The following PDGFD variants were observed in gnomAD, a reference collection of about 807,000 sequenced individuals.
PDGFD encodes platelet derived growth factor D, also known as platelet-derived growth factor D.
In PDGFD, 30 loss-of-function variants were observed where a neutral mutation model predicts 44.7. The ratio of observed to expected loss-of-function variants is 0.67; its 90% CI spans 0.50 to 0.91. PDGFD has a LOEUF of 0.91. PDGFD is among the 40% of genes least tolerant of loss of function. The pLI, the probability that PDGFD is intolerant of heterozygous loss-of-function variation, is 0.00. For synonymous variants in PDGFD, 173 were observed against 168.4 expected (o/e 1.03, Z -0.21); for missense variants, 445 against 457.8 (o/e 0.97, Z 0.25).
chr11:104,142,119 T>G (rs1415340494), intron 1 of PDGFD, among the ~76,000 whole-genome samples: 1 of 152,170 alleles, frequency 6.6e-6, no homozygotes, highest in East Asian at 1.9e-4. Context: ...ATATATCACA[T>G]ACACATCCTT....
chr11:104,008,315 CAA>C (rs1267446772), intron 1 of PDGFD, among the ~76,000 whole-genome samples: 1 of 152,070 alleles, frequency 6.6e-6, no homozygotes, highest in Admixed American at 6.6e-5. Flanking sequence ...AATAAAATCT[CAA>C]ATCTCAAATC....
intron 1 of PDGFD, among the ~76,000 whole-genome samples, chr11:104,077,951 T>G (rs1226588282): frequency 2.6e-5 from 4 of 152,170 alleles, no homozygotes; most frequent in Admixed American, 2.6e-4. Flanking sequence ...GCGTGATCCA[T>G]GCTGCCCTAT....
chr11:103,963,493 C>T (rs1042003681), intron 3 of PDGFD, among the ~76,000 whole-genome samples: 1 of 152,062 alleles, frequency 6.6e-6, no homozygotes. Context: ...TCCTTCACCA[C>T]CCCATAATTA....
intron 1 of PDGFD, among the ~76,000 whole-genome samples, chr11:104,047,911 A>G (rs904583181): frequency 1.3e-5 from 2 of 152,120 alleles, no homozygotes; most frequent in Non-Finnish European, 2.9e-5. Flanking sequence ...ACATTCATTC[A>G]TAGTTGGCCA....
chr11:104,108,179 A>T (rs1269831114), intron 1 of PDGFD, among the ~76,000 whole-genome samples: 1 of 152,192 alleles, frequency 6.6e-6, no homozygotes, highest in African/African-American at 2.4e-5. Context: ...ACCAAAAGCA[A>T]TGGCAACAAA....
At chr11:104,073,110 T>C (rs1565327060) in intron 1 of PDGFD, among the ~76,000 whole-genome samples, 5 of 152,098 alleles carry the variant, frequency 3.3e-5, no homozygotes, top group African/African-American at 1.2e-4. Context: ...TGATATAATG[T>C]GATTATCTTA....
chr11:103,999,514 C>A (rs1257995982), intron 2 of PDGFD, among the ~76,000 whole-genome samples: 4 of 152,144 alleles, frequency 2.6e-5, no homozygotes, highest in Non-Finnish European at 5.9e-5. Context: ...CACAGGGAAT[C>A]TGGGGTGAGC....
intron 1 of PDGFD, among the ~76,000 whole-genome samples, chr11:104,151,802 T>C (rs1862250057): frequency 6.6e-6 from 1 of 152,150 alleles, no homozygotes; most frequent in African/African-American, 2.4e-5. Flanking sequence ...GGCCTTTCAT[T>C]TTCAAATAAT....
At chr11:103,993,540 T>C (rs1025607428) in intron 3 of PDGFD, among the ~76,000 whole-genome samples, 3 of 152,084 alleles carry the variant, frequency 2.0e-5, no homozygotes, top group Admixed American at 2.0e-4. Context: ...TATCTCCCTA[T>C]TAATTTACAC....
intron 1 of PDGFD, among the ~76,000 whole-genome samples, chr11:104,141,239 A>G (rs960346688): frequency 1.3e-5 from 2 of 152,186 alleles, no homozygotes; most frequent in Admixed American, 6.5e-5. Context: ...CATTTGTTGT[A>G]GGTTGAACGG....
chr11:104,100,902 C>G (rs1423635395), intron 1 of PDGFD, among the ~76,000 whole-genome samples: 1 of 152,066 alleles, frequency 6.6e-6, no homozygotes, highest in East Asian at 1.9e-4. Flanking sequence ...AATTTTACAA[C>G]CCTTCATGCT....
intron 5 of PDGFD, among the ~76,000 whole-genome samples, chr11:103,937,545 T>C (rs1858509864): frequency 6.6e-6 from 1 of 152,174 alleles, no homozygotes; most frequent in Non-Finnish European, 1.5e-5. Flanking sequence ...TGTTTTGTTT[T>C]GTTTTTTTAA....
intron 3 of PDGFD, among the ~76,000 whole-genome samples, chr11:103,978,901 T>G (rs1217289472): frequency 6.6e-6 from 1 of 151,996 alleles, no homozygotes; most frequent in Non-Finnish European, 1.5e-5. Flanking sequence ...GGGATGGTAT[T>G]GTCAGAGAAG....
chr11:103,941,632 A>G (rs1858585738), intron 5 of PDGFD, among the ~76,000 whole-genome samples: 1 of 152,120 alleles, frequency 6.6e-6, no homozygotes, highest in African/African-American at 2.4e-5. Context: ...TGCTAAAAAA[A>G]AAATCACAAA....
chr11:103,984,377 T>C (rs1428520892), intron 3 of PDGFD, among the ~76,000 whole-genome samples: 1 of 151,416 alleles, frequency 6.6e-6, no homozygotes, highest in Non-Finnish European at 1.5e-5. Flanking sequence ...CATGGACACA[T>C]ACAGGGGAAC....
intron 3 of PDGFD, among the ~76,000 whole-genome samples, chr11:103,992,216 TTATGAATCATA>T (rs1859466473): frequency 6.6e-6 from 1 of 152,160 alleles, no homozygotes; most frequent in South Asian, 2.1e-4. Flanking sequence ...GAGGCAAATT[TTATGAATCATA>T]TTTTCCCAAG....
chr11:103,924,154 G>T (rs1858267476), intron 6 of PDGFD, among the ~76,000 whole-genome samples: 1 of 152,244 alleles, frequency 6.6e-6, no homozygotes, highest in Non-Finnish European at 1.5e-5. Flanking sequence ...CCCACAATAA[G>T]TAATTTTTTA....
At chr11:104,118,787 T>C (rs1861682027) in intron 1 of PDGFD, among the ~76,000 whole-genome samples, 2 of 110,914 alleles carry the variant, frequency 1.8e-5, no homozygotes, top group African/African-American at 3.6e-5. Context: ...TAATATATTA[T>C]ATATTATAAA....
At chr11:104,076,814 C>A (rs1860967315) in intron 1 of PDGFD, among the ~76,000 whole-genome samples, 1 of 152,200 alleles carries the variant, frequency 6.6e-6, no homozygotes. Context: ...CTTCTCTCTC[C>A]TTCTCCTTCC....
Sources: allele counts gnomAD v4.1 joint callset (sites outside exome capture counted in the v4.1 genomes callset), GRCh38; gene constraint gnomAD v4.1.1; transcripts MANE v1.5; gene names NCBI Gene and HGNC (gene_info 2026-07-23, HGNC 2026-07-21).